The following TIAM1 variants were observed in gnomAD, a reference collection of about 807,000 sequenced individuals.
TIAM1 encodes the protein TIAM Rac1 associated GEF 1.
TIAM1 carries 65 observed loss-of-function variants against 163.5 expected under a neutral mutation model. The observed-to-expected ratio is 0.40, with a 90% CI of 0.33 to 0.49. TIAM1 has a LOEUF of 0.49. Ranked by LOEUF, TIAM1 falls within the 20% of genes least tolerant of loss-of-function variation. The pLI is 0.77. For missense variants in TIAM1, 1,789 were observed against 2,044.7 expected (o/e 0.87, Z 2.41); for synonymous variants, 833 against 810.1 (o/e 1.03, Z -0.48).
chr21:31,178,248 T>G (rs898924562), intron 15 of TIAM1, among the ~76,000 whole-genome samples: 21 of 151,832 alleles, frequency 1.4e-4, no homozygotes, highest in Non-Finnish European at 2.1e-4. Context: ...GTGAAATGCC[T>G]TCTCTCCACC....
At chr21:31,241,391 G>C (rs2071167841) in intron 6 of TIAM1, among the ~76,000 whole-genome samples, 1 of 152,174 alleles carries the variant, frequency 6.6e-6, no homozygotes, top group African/African-American at 2.4e-5. Context: ...TCATGTGCTT[G>C]AACTTGCAAA....
chr21:31,182,495 T>C lies in TIAM1; in HGVS notation c.2813A>G (p.Glu938Gly), dbSNP rs766755751. ...PELEEGVELL[E>G]SPPHRVDGPA... is the part of the protein sequence containing the mutation. ...GCCGTCCACTCGGTGGGGCGGGCTT[T>C]CCAGCAGCTCCACTCCTTCCTCCAG... Residue 938 changes from glutamate to glycine, a missense_variant, in exon 15 of 28, where the codon GAA becomes GGA. Physicochemically the swap from Glu to Gly is moderately conservative, Grantham distance 98 (BLOSUM62 -2). This residue lies in a region of TIAM1 where 303 missense variants were observed against 321.3 expected (regional missense o/e 0.94). Transcript: ENST00000541036. The C allele has an allele frequency of 2.5e-6, 4 of 1,612,002 alleles. No homozygotes were observed. The highest frequency in any genetic ancestry group is 3.4e-6 in the Non-Finnish European group (4 of 1,179,352).
rs367873088 is a variant in TIAM1 at position 31,141,353 on chromosome 21, C to T, written c.3627G>A (p.Ala1209=). The T allele has an allele frequency of 1.7e-5, 28 of 1,614,072 alleles. 1 individual carries two copies. Among genetic ancestry groups the T allele is most frequent in the African/African-American group, 1.3e-4 (10 of 74,936 alleles). Residue 1209 remains alanine, a synonymous_variant, in exon 21 of 28, where the codon GCG becomes GCA. Coordinates refer to ENST00000541036, the MANE Select transcript of TIAM1 (RefSeq NM_001353694.2). This position sits in a 1 kb window ranked among gnomAD's most constrained non-coding sequence, Gnocchi z 4.7. ...LLRELFALTD[A]ESEEHYHLDV... ...CCAGGTGGTAGTGCTCCTCGCTCTCCGCATCGGTCAGGGCGAACAGCTCCC... is the reference window on the plus strand; with the variant it reads ...CCAGGTGGTAGTGCTCCTCGCTCTCTGCATCGGTCAGGGCGAACAGCTCCC...
At chr21:31,314,719 T>C (rs1026024803) in intron 2 of TIAM1, among the ~76,000 whole-genome samples, 5 of 152,192 alleles carry the variant, frequency 3.3e-5, no homozygotes, top group African/African-American at 1.2e-4. Context: ...ATTACAATTT[T>C]GCACACGGAG....
At chr21:31,171,082 G>A (rs76283564) in intron 15 of TIAM1, among the ~76,000 whole-genome samples, 4,862 of 148,850 alleles carry the variant, frequency 0.033, 311 homozygotes, top group African/African-American at 0.12. Flanking sequence ...ATCTGTATAT[G>A]GAAATGTGAA....
intron 6 of TIAM1, among the ~76,000 whole-genome samples, chr21:31,233,859 G>A (rs750934846): frequency 2.0e-5 from 3 of 152,194 alleles, no homozygotes; most frequent in African/African-American, 7.2e-5. Flanking sequence ...AACAGGGACC[G>A]TGCGCTGCAA....
chr21:31,145,143 A>G (rs1490239291), intron 20 of TIAM1, among the ~76,000 whole-genome samples: 2 of 152,190 alleles, frequency 1.3e-5, no homozygotes, highest in East Asian at 3.9e-4. Flanking sequence ...AACACAGCAC[A>G]CGGGAAAGGT....
chr21:31,199,843 T>C (rs1408269061), intron 12 of TIAM1, among the ~76,000 whole-genome samples: 1 of 151,444 alleles, frequency 6.6e-6, no homozygotes, highest in Non-Finnish European at 1.5e-5. Flanking sequence ...CTAGAACACT[T>C]GTCTGCAAAA....
At chr21:31,226,793 T>C (rs114135748) in intron 6 of TIAM1, among the ~76,000 whole-genome samples, 184 of 152,240 alleles carry the variant, frequency 1.2e-3, no homozygotes, top group African/African-American at 4.3e-3. Flanking sequence ...GCTCAGAAGT[T>C]AGCCCATCTC....
At chr21:31,491,364 C>T (rs972725648) in intron 1 of TIAM1, among the ~76,000 whole-genome samples, 3 of 152,176 alleles carry the variant, frequency 2.0e-5, no homozygotes, top group African/African-American at 7.2e-5. Context: ...ACCATCCTAA[C>T]TGATAGAACC....
At chr21:31,155,878 C>A (rs889283773) in intron 16 of TIAM1, among the ~76,000 whole-genome samples, 3 of 152,186 alleles carry the variant, frequency 2.0e-5, no homozygotes, top group African/African-American at 4.8e-5. Flanking sequence ...CAACTCTAGG[C>A]ACAAAGCATT....
chr21:31,336,707 A>C (rs891936690), intron 2 of TIAM1, among the ~76,000 whole-genome samples: 3 of 152,038 alleles, frequency 2.0e-5, no homozygotes, highest in Non-Finnish European at 2.9e-5. Flanking sequence ...GGGTAACATC[A>C]TCTGAGAAGG....
At chr21:31,264,575 G>A (rs763276682) in intron 4 of TIAM1, among the ~76,000 whole-genome samples, 8 of 152,182 alleles carry the variant, frequency 5.3e-5, no homozygotes, top group Non-Finnish European at 1.2e-4. Flanking sequence ...GTAAGAAGAC[G>A]TGGAGCCAAA....
At chr21:31,213,195 A>C (rs1332738514) in intron 10 of TIAM1, 6 of 500,420 alleles carry the variant, frequency 1.2e-5, no homozygotes, top group Non-Finnish European at 2.1e-5. Flanking sequence ...TTATGTCAGC[A>C]GGAGAATGTT....
chr21:31,480,418 T>A (rs1240738406), intron 1 of TIAM1, among the ~76,000 whole-genome samples: 1 of 152,210 alleles, frequency 6.6e-6, no homozygotes, highest in Non-Finnish European at 1.5e-5. Context: ...CAAGGGAGGC[T>A]TGGGATGCAC....
At chr21:31,246,170 A>C (rs2071491350) in intron 5 of TIAM1, among the ~76,000 whole-genome samples, 1 of 152,212 alleles carries the variant, frequency 6.6e-6, no homozygotes, top group African/African-American at 2.4e-5. Context: ...TAAGTACTTT[A>C]AGGATAAGAA....
At chr21:31,238,917 G>A (rs2071029121) in intron 6 of TIAM1, among the ~76,000 whole-genome samples, 1 of 152,024 alleles carries the variant, frequency 6.6e-6, no homozygotes, top group African/African-American at 2.4e-5. Flanking sequence ...ACACATCAAT[G>A]GATTAAAATG....
At chr21:31,314,694 G>A (rs1016176059) in intron 2 of TIAM1, among the ~76,000 whole-genome samples, 1 of 152,054 alleles carries the variant, frequency 6.6e-6, no homozygotes, top group Non-Finnish European at 1.5e-5. Context: ...GTTGAAAAGC[G>A]CTACCCAGAC....
intron 8 of TIAM1, among the ~76,000 whole-genome samples, chr21:31,219,317 G>A (rs966855942): frequency 1.3e-5 from 2 of 152,180 alleles, no homozygotes. Flanking sequence ...TTCAAAAAAG[G>A]GAGTGGCAGG....
Sources: gnomAD v4.1 joint callset for allele counts (sites outside exome capture counted in the v4.1 genomes callset) on GRCh38, gnomAD v4.1.1 for gene constraint, gnomAD v4.1.1 regional missense constraint, Gnocchi (gnomAD v3.1) non-coding constraint, MANE v1.5 for transcripts, NCBI Gene and HGNC (gene_info 2026-07-23, HGNC 2026-07-21) for gene names.